The following ATXN7 variants were observed in gnomAD, a reference collection of about 807,000 sequenced individuals.
ATXN7 encodes the protein ataxin-7.
ATXN7 carries 12 observed loss-of-function variants against 70.5 expected under a neutral mutation model. The observed-to-expected ratio is 0.17, with a 90% confidence interval of 0.11 to 0.28. The LOEUF (loss-of-function observed/expected upper bound fraction) is 0.28. ATXN7 is among the 10% of genes least tolerant of loss of function. The pLI, the probability that ATXN7 is intolerant of heterozygous loss-of-function variation, is 1.00. For missense variants in ATXN7, 1,256 were observed against 1,131.7 expected (o/e 1.11, Z -1.58); for synonymous variants, 498 against 448.7 (o/e 1.11, Z -1.39).
intron 4 of ATXN7, among the ~76,000 whole-genome samples, chr3:63,936,677 C>T (rs992307431): frequency 6.6e-6 from 1 of 152,168 alleles, no homozygotes; most frequent in Admixed American, 6.5e-5. Flanking sequence ...TTGACTTTCT[C>T]ACATATGGTT....
chr3:63,983,810 C>T (rs911494843), intron 8 of ATXN7, among the ~76,000 whole-genome samples: 3 of 152,046 alleles, frequency 2.0e-5, no homozygotes, highest in African/African-American at 4.8e-5. Flanking sequence ...CATAAATGAG[C>T]TTGTATGTTG....
At chr3:63,955,255 T>C (rs1413050109) in intron 5 of ATXN7, among the ~76,000 whole-genome samples, 1 of 152,106 alleles carries the variant, frequency 6.6e-6, no homozygotes, top group Admixed American at 6.5e-5. Context: ...AGGGAAATAT[T>C]AAAGATATGA....
At chr3:63,967,804 GTTACATAAGCCCAAACATGGAGCATA>G in intron 5 of ATXN7, 2 of 1,503,802 alleles carry the variant, frequency 1.3e-6, no homozygotes, top group Non-Finnish European at 1.8e-6. Flanking sequence ...AGTAGCAAAT[GTTACATAAGCCCAAACATGGAGCATA>G]TTTGGAGTTG....
At chr3:63,936,295 A>G (rs1025895697) in intron 4 of ATXN7, among the ~76,000 whole-genome samples, 1 of 152,146 alleles carries the variant, frequency 6.6e-6, no homozygotes, top group Non-Finnish European at 1.5e-5. Context: ...CAAGCCAGCT[A>G]TCTCACCTGG....
chr3:63,917,852 T>C (rs182451953), intron 4 of ATXN7, among the ~76,000 whole-genome samples: 43 of 152,322 alleles, frequency 2.8e-4, no homozygotes, highest in African/African-American at 9.4e-4. Flanking sequence ...TTTCATTGTA[T>C]TGTGACTCCA....
At chr3:63,986,425 T>C (rs1377742331) in intron 8 of ATXN7, among the ~76,000 whole-genome samples, 2 of 152,212 alleles carry the variant, frequency 1.3e-5, no homozygotes, top group Non-Finnish European at 2.9e-5. Flanking sequence ...TTTCTTCATT[T>C]GGCTGTACTG....
intron 4 of ATXN7, among the ~76,000 whole-genome samples, chr3:63,914,032 C>T (rs760245285): frequency 6.6e-6 from 1 of 152,140 alleles, no homozygotes; most frequent in Admixed American, 6.5e-5. Flanking sequence ...CAGTGAACTT[C>T]GGGTTCAGTT....
intron 1 of ATXN7, among the ~76,000 whole-genome samples, chr3:63,881,562 C>T (rs954472377): frequency 6.7e-6 from 1 of 148,712 alleles, no homozygotes; most frequent in Non-Finnish European, 1.5e-5. Flanking sequence ...AATCTCAGCT[C>T]ACTGCGACCT....
At chr3:63,930,314 A>G (rs2107338779) in intron 4 of ATXN7, among the ~76,000 whole-genome samples, 1 of 152,298 alleles carries the variant, frequency 6.6e-6, no homozygotes, top group South Asian at 2.1e-4. Context: ...TGAGTAGGGA[A>G]TATACCTTGC....
chr3:63,993,678 A>G (rs1019444985), intron 11 of ATXN7, among the ~76,000 whole-genome samples: 1 of 152,158 alleles, frequency 6.6e-6, no homozygotes, highest in Non-Finnish European at 1.5e-5. Context: ...CTTTTCTAAG[A>G]GGAACTTGTG....
chr3:63,910,421 T>G (rs1247457759), intron 2 of ATXN7, among the ~76,000 whole-genome samples: 2 of 152,248 alleles, frequency 1.3e-5, no homozygotes, highest in Non-Finnish European at 2.9e-5. Flanking sequence ...TTCGTTTTTC[T>G]TAAGTGTAGA....
intron 4 of ATXN7, among the ~76,000 whole-genome samples, chr3:63,951,634 GT>G (rs2074954684): frequency 6.6e-6 from 1 of 152,198 alleles, no homozygotes; most frequent in Non-Finnish European, 1.5e-5. Context: ...TGGTTGAGAT[GT>G]TTTAGTTAAC....
At chr3:63,972,053 G>A (rs1023036878) in intron 5 of ATXN7, among the ~76,000 whole-genome samples, 5 of 152,146 alleles carry the variant, frequency 3.3e-5, no homozygotes, top group Non-Finnish European at 4.4e-5. Context: ...GACACCTCAC[G>A]AGTTGTGTTT....
At chr3:63,929,245 A>G (rs1236369408) in intron 4 of ATXN7, among the ~76,000 whole-genome samples, 2 of 151,516 alleles carry the variant, frequency 1.3e-5, no homozygotes, top group African/African-American at 2.4e-5. Context: ...AAGATTATCT[A>G]GGAAGCTTTC....
At chr3:63,940,177 G>A (rs1449404314) in intron 4 of ATXN7, among the ~76,000 whole-genome samples, 2 of 151,984 alleles carry the variant, frequency 1.3e-5, no homozygotes, top group African/African-American at 4.8e-5. Flanking sequence ...AAGGACCTGA[G>A]AAGGCCCTAA....
intron 4 of ATXN7, among the ~76,000 whole-genome samples, chr3:63,925,917 G>C (rs1199803904): frequency 6.6e-6 from 1 of 152,152 alleles, no homozygotes; most frequent in Non-Finnish European, 1.5e-5. Flanking sequence ...GAGGACAGGA[G>C]ATGGGAGTAG....
At chr3:63,928,312 A>C (rs909855940) in intron 4 of ATXN7, among the ~76,000 whole-genome samples, 1 of 151,904 alleles carries the variant, frequency 6.6e-6, no homozygotes, top group Non-Finnish European at 1.5e-5. Flanking sequence ...AAAACAAACA[A>C]AAAAACAGCT....
At chr3:63,907,342 C>T (rs1363945197) in intron 2 of ATXN7, among the ~76,000 whole-genome samples, 3 of 151,848 alleles carry the variant, frequency 2.0e-5, no homozygotes, top group African/African-American at 4.8e-5. Context: ...TGGGAAATTA[C>T]GTTTAACAAT....
chr3:63,967,642 C>A, intron 5 of ATXN7: 1 of 548,932 alleles, frequency 1.8e-6, no homozygotes. Flanking sequence ...TAAATTCCAT[C>A]TTCCCCAGTT....
Sources: gnomAD v4.1 joint callset for allele counts (sites outside exome capture counted in the v4.1 genomes callset) on GRCh38, gnomAD v4.1.1 for gene constraint, MANE v1.5 for transcripts, NCBI Gene and HGNC (gene_info 2026-07-23, HGNC 2026-07-21) for gene names.